Variants in ANGPT4 observed in about 807,000 individuals in gnomAD.
ANGPT4 encodes the protein angiopoietin-4.
In ANGPT4, 50 loss-of-function variants were observed where a neutral mutation model predicts 53.0. That is an observed-to-expected ratio of 0.94 (90% CI 0.75 to 1.20). The LOEUF (loss-of-function observed/expected upper bound fraction) is 1.20. Among genes scored for constraint, ANGPT4 ranks in the 50% most tolerant of loss-of-function variants. ANGPT4 has a pLI of 0.00. For synonymous variants in ANGPT4, 251 were observed against 259.7 expected, an observed-to-expected ratio of 0.97 and a Z score of 0.32; for missense variants, 648 against 637.1, an observed-to-expected ratio of 1.02 and a Z score of -0.18.
At chr20:893,733 C>G (rs1034082653) in intron 1 of ANGPT4, among the ~76,000 whole-genome samples, 1 of 152,162 alleles carries the variant, frequency 6.6e-6, no homozygotes, top group African/African-American at 2.4e-5. Context: ...CCCCATGCTT[C>G]GAAATCTTTC....
At chr20:874,479 A>G in intron 7 of ANGPT4, 65 bp from the exon 8 acceptor site, 6 of 1,592,854 alleles carry the variant, frequency 3.8e-6, no homozygotes, top group Non-Finnish European at 5.1e-6. Context: ...TGTGTCGAGC[A>G]AGAACTTCCC....
In ANGPT4 at chr20:871,676, T is replaced by C. The variant is rs895904491; in HGVS notation, c.*1284A>G. 9 of 152,264 alleles carry C rather than the reference T, an allele frequency of 5.9e-5. No individual in the cohort carries two copies. The highest frequency in any genetic ancestry group is 4.6e-4 in the Admixed American group (7 of 15,278). 9.4% of individuals were successfully genotyped at this position (152,264 alleles called of 1,614,324 possible). On this transcript the variant is annotated 3_prime_UTR_variant, in exon 9 of 9. Coordinates refer to ENST00000381922, the MANE Select transcript of ANGPT4 (RefSeq NM_015985.4). ...GCTTGGAGGCAGAGAGGATCTGGAC[T>C]TGGAGACAGATGTCCTGCCTAACAG...
At chr20:891,369 C>T (rs912467594) in intron 1 of ANGPT4, among the ~76,000 whole-genome samples, 1 of 152,212 alleles carries the variant, frequency 6.6e-6, no homozygotes, top group Non-Finnish European at 1.5e-5. Flanking sequence ...TGGGATCCCA[C>T]ATGCAAATGT....
chr20:872,967 T>A lies in ANGPT4; in HGVS notation c.1505A>T (p.Asp502Val). The change falls in exon 9 of 9, where the codon GAC (aspartate) becomes GTC (valine). Residue 502 changes from aspartate (D) to valine (V), a missense_variant. By Grantham distance (152) the Asp-to-Val change is radical. Transcript: ENST00000381922. ...RASRMMIRPL[D>V]I ...CTCTGGCACAGCTGCTCGTTAGATGTCCAAAGGCCGTATCATCATGCGAGA... is the reference window on the plus strand; with the variant it reads ...CTCTGGCACAGCTGCTCGTTAGATGACCAAAGGCCGTATCATCATGCGAGA... The A allele has an allele frequency of 1.2e-6, 2 of 1,613,948 alleles. No individual in the cohort carries two copies. Among genetic ancestry groups the A allele is most frequent in the Non-Finnish European group, 1.7e-6 (2 of 1,179,982 alleles).
chr20:902,705 CA>C (rs1171775253), intron 1 of ANGPT4, among the ~76,000 whole-genome samples: 2 of 151,696 alleles, frequency 1.3e-5, no homozygotes, highest in African/African-American at 2.4e-5. Context: ...TTTTACATTT[CA>C]AAAAAAAATT....
intron 1 of ANGPT4, among the ~76,000 whole-genome samples, chr20:907,953 A>G (rs1307418129): frequency 6.6e-6 from 1 of 152,170 alleles, no homozygotes. Flanking sequence ...TCCCCACACA[A>G]ATGAGTAAAC....
chr20:912,605 A>T lies in ANGPT4; in HGVS notation c.309+3301T>A, dbSNP rs1982748311. Among the ~76,000 whole-genome samples the T allele has an allele frequency of 3.9e-5, 6 of 152,064 alleles. No homozygotes were observed. In the South Asian group the frequency reaches 1.2e-3, roughly 32 times the overall value. The stretch of plus-strand genomic sequence containing the variant: ...GGGCAGGGGCTTTCCAGGAGCGAGG[A>T]GGAGGAGAGAGAGGGAGGCAGAAGG... On this transcript the variant is annotated intron_variant, in intron 1 of 8. Coordinates refer to ENST00000381922, the MANE Select transcript of ANGPT4 (RefSeq NM_015985.4).
At position 914,881 on chromosome 20, in the gene ANGPT4, C is replaced by T. The variant is rs1306936950; in HGVS notation, c.309+1025G>A. 6.6e-6 allele frequency among the ~76,000 whole-genome samples: 1 copy of T among 152,148 alleles called. No individual in the cohort carries two copies. The highest frequency in any genetic ancestry group is 1.9e-4 in the East Asian group (1 of 5,186). Reference sequence around the variant, plus strand: ...ACACTGCTGAAAGACGAAAGCATGACAGGGCATTCTACAGCAGCCCTGGTC... The same window carrying T: ...ACACTGCTGAAAGACGAAAGCATGATAGGGCATTCTACAGCAGCCCTGGTC... On this transcript the variant is annotated intron_variant, in intron 1 of 8. Coordinates refer to ENST00000381922, the MANE Select transcript of ANGPT4 (RefSeq NM_015985.4). The surrounding 1 kb of genome is among the most constrained non-coding windows in gnomAD (Gnocchi z 5.0).
chr20:888,453 C>G lies in ANGPT4; in HGVS notation c.466-14G>C. 6.2e-7 allele frequency: 1 copy of G among 1,608,100 alleles called. No homozygotes were observed. The highest frequency in any genetic ancestry group is 8.5e-7 in the Non-Finnish European group (1 of 1,178,746). On this transcript the variant is annotated splice_polypyrimidine_tract_variant and intron_variant, in intron 2 of 8. Transcript: ENST00000381922. ...CTGGTTCAGGAGCTGCCCCAGCAAGCAGAAGCAGGTAGGGGGCTGCGTAAG... is the reference window on the plus strand; with the variant it reads ...CTGGTTCAGGAGCTGCCCCAGCAAGGAGAAGCAGGTAGGGGGCTGCGTAAG...
intron 6 of ANGPT4, among the ~76,000 whole-genome samples, chr20:879,275 C>G (rs879346690): frequency 1.2e-4 from 18 of 152,096 alleles, no homozygotes; most frequent in Non-Finnish European, 2.5e-4. Flanking sequence ...ATCCTTTATT[C>G]AAAACCTAAT....
chr20:897,613 G>C (rs190790096), intron 1 of ANGPT4, among the ~76,000 whole-genome samples: 2 of 152,142 alleles, frequency 1.3e-5, no homozygotes, highest in Non-Finnish European at 2.9e-5. Flanking sequence ...ATCACCGGGG[G>C]GACACCTGCC....
Position 911,769 on chromosome 20 carries a change from T to C in ANGPT4, c.309+4137A>G, listed in dbSNP as rs1179057203. On this transcript the variant is annotated intron_variant, in intron 1 of 8. Transcript: ENST00000381922. The surrounding 1 kb of genome is among the most constrained non-coding windows in gnomAD (Gnocchi z 4.9). ...GTTCAAGGCTGCAGTGAGCTGTGAT[T>C]GCACCATTGCACCCCAGTGTGGTTG... Among the ~76,000 whole-genome samples the C allele has an allele frequency of 6.6e-6, 1 of 152,028 alleles. No individual in the cohort carries two copies. The highest frequency in any genetic ancestry group is 2.4e-5 in the African/African-American group (1 of 41,384).
At chr20:915,123 C>T (rs1260787783) in intron 1 of ANGPT4, among the ~76,000 whole-genome samples, 3 of 152,182 alleles carry the variant, frequency 2.0e-5, no homozygotes, top group Non-Finnish European at 4.4e-5. Flanking sequence ...CTGCCTCCTA[C>T]AGTCTATGCT....
At chr20:895,504 G>T (rs1299847774) in intron 1 of ANGPT4, among the ~76,000 whole-genome samples, 1 of 152,094 alleles carries the variant, frequency 6.6e-6, no homozygotes, top group African/African-American at 2.4e-5. Context: ...CTGGGGAGAG[G>T]GCATTTGCAA....
chr20:877,722 G>A (rs372810707), intron 7 of ANGPT4, among the ~76,000 whole-genome samples: 1 of 152,196 alleles, frequency 6.6e-6, no homozygotes, highest in East Asian at 1.9e-4. Flanking sequence ...GCTCAGAGAA[G>A]CCAGACTGAC....
intron 7 of ANGPT4, among the ~76,000 whole-genome samples, chr20:876,627 A>G (rs1420628737): frequency 6.6e-6 from 1 of 152,200 alleles, no homozygotes; most frequent in Non-Finnish European, 1.5e-5. Context: ...CATTCTACAG[A>G]TGAAACCGTG....
rs758523811 is a variant in ANGPT4, at chr20:879,752, T to A, written c.1048A>T (p.Lys350Ter). The A allele has an allele frequency of 6.2e-7, 1 of 1,613,272 alleles. No individual in the cohort carries two copies. Among genetic ancestry groups the A allele is most frequent in the Non-Finnish European group, 8.5e-7 (1 of 1,179,550 alleles). ...VNFQRNWKDY[K>*]QGFGDPAGEH... is the part of the protein sequence containing the mutation. ...CCCCAAGGCAGCAGGGCTACCTGTT[T>A]GTAATCCTTCCAGTTCCGCTGAAAA... The change falls in exon 6 of 9, where the codon AAA (lysine) becomes TAA (stop). Residue 350 changes from lysine to a stop codon, truncating the protein, a stop_gained. Coordinates refer to ENST00000381922, the MANE Select transcript of ANGPT4 (RefSeq NM_015985.4). LOFTEE classifies it high-confidence loss of function.
At chr20:882,606 T>G (rs1441876667) in intron 4 of ANGPT4, among the ~76,000 whole-genome samples, 1 of 152,100 alleles carries the variant, frequency 6.6e-6, no homozygotes, top group Non-Finnish European at 1.5e-5. Flanking sequence ...CCCCACCTGT[T>G]GGCACCCCCT....
At chr20:899,334 A>G (rs1407079610) in intron 1 of ANGPT4, among the ~76,000 whole-genome samples, 1 of 151,072 alleles carries the variant, frequency 6.6e-6, no homozygotes, top group Admixed American at 6.6e-5. Flanking sequence ...TGCAAGCTCC[A>G]TCTCCCAGGT....
Sources: allele counts gnomAD v4.1 joint callset (sites outside exome capture counted in the v4.1 genomes callset), GRCh38; gene constraint gnomAD v4.1.1; non-coding constraint Gnocchi (gnomAD v3.1); transcripts MANE v1.5; gene names NCBI Gene and HGNC (gene_info 2026-07-23, HGNC 2026-07-21).